KDM5A: variants seen among roughly 807,000 people sequenced by gnomAD.
KDM5A encodes the protein lysine demethylase 5A.
In KDM5A, 42 loss-of-function variants were observed where a neutral mutation model predicts 193.5. That is an observed-to-expected ratio of 0.22 (90% CI 0.17 to 0.28). The LOEUF is 0.28. Among genes scored for constraint, KDM5A ranks in the 10% least tolerant of loss-of-function variants. The pLI is 1.00. For synonymous variants in KDM5A, 796 were observed against 718.1 expected (o/e 1.11, Z -1.73); for missense variants, 1,692 against 2,055.1 (o/e 0.82, Z 3.42).
At chr12:384,822 G>A (rs1944620027) in intron 2 of KDM5A, among the ~76,000 whole-genome samples, 1 of 152,156 alleles carries the variant, frequency 6.6e-6, no homozygotes. Flanking sequence ...CACACTTTAG[G>A]TGCATCAACT....
At chr12:304,561 A>G (rs1320699349) in intron 24 of KDM5A, among the ~76,000 whole-genome samples, 3 of 151,646 alleles carry the variant, frequency 2.0e-5, no homozygotes, top group African/African-American at 4.9e-5. Flanking sequence ...TTGAATTACC[A>G]TAAGTCTTGC....
intron 5 of KDM5A, among the ~76,000 whole-genome samples, chr12:359,399 T>C (rs1260703424): frequency 6.6e-6 from 1 of 152,170 alleles, no homozygotes; most frequent in Non-Finnish European, 1.5e-5. Context: ...TGTTTAAAGA[T>C]TGGACATGGC....
intron 13 of KDM5A, among the ~76,000 whole-genome samples, chr12:330,258 G>A (rs1051830432): frequency 6.6e-6 from 1 of 151,908 alleles, no homozygotes; most frequent in African/African-American, 2.4e-5. Context: ...AATATGTGAG[G>A]AAGCCACATA....
chr12:386,824 T>C (rs1282323690), intron 1 of KDM5A, among the ~76,000 whole-genome samples: 1 of 152,104 alleles, frequency 6.6e-6, no homozygotes, highest in African/African-American at 2.4e-5. Context: ...CCCACAATTA[T>C]GCTTTCCCAA....
intron 13 of KDM5A, among the ~76,000 whole-genome samples, chr12:331,568 T>TG (rs1943866922): frequency 6.6e-6 from 1 of 151,908 alleles, no homozygotes; most frequent in Non-Finnish European, 1.5e-5. Context: ...AGGAATAGAA[T>TG]GGAAGTGAAG....
intron 3 of KDM5A, among the ~76,000 whole-genome samples, chr12:377,561 G>A (rs1450859659): frequency 2.6e-5 from 4 of 152,012 alleles, no homozygotes; most frequent in African/African-American, 9.7e-5. Flanking sequence ...ATGGAGTAAA[G>A]CTTTCAAAAT....
chr12:310,638 A>G (rs1244193899), intron 21 of KDM5A, among the ~76,000 whole-genome samples: 1 of 152,072 alleles, frequency 6.6e-6, no homozygotes, highest in Middle Eastern at 3.2e-3. Flanking sequence ...TGTCTCAAAA[A>G]AACAGAACAA....
intron 12 of KDM5A, among the ~76,000 whole-genome samples, chr12:332,731 T>C (rs1264843695): frequency 6.6e-6 from 1 of 152,222 alleles, no homozygotes; most frequent in Non-Finnish European, 1.5e-5. Context: ...AGCATCCTTA[T>C]TAGTTGTTAG....
chr12:352,651 T>G (rs969539664), intron 8 of KDM5A, among the ~76,000 whole-genome samples: 1 of 152,170 alleles, frequency 6.6e-6, no homozygotes, highest in Non-Finnish European at 1.5e-5. Flanking sequence ...ATTCTTGGCA[T>G]ACCCAGTGGT....
intron 1 of KDM5A, chr12:388,626 T>G: frequency 1.5e-5 from 7 of 475,136 alleles, no homozygotes; most frequent in South Asian, 1.5e-4. Flanking sequence ...CGTCACGTCA[T>G]AATACTGTAC....
At chr12:356,049 G>C (rs1013056832) in intron 6 of KDM5A, among the ~76,000 whole-genome samples, 4 of 152,054 alleles carry the variant, frequency 2.6e-5, no homozygotes, top group Non-Finnish European at 5.9e-5. Flanking sequence ...TTAAAATTAT[G>C]GTTAGAATTT....
intron 18 of KDM5A, 144 bp from the exon 19 acceptor site, chr12:318,605 T>A: frequency 1.6e-6 from 1 of 638,880 alleles, no homozygotes; most frequent in Non-Finnish European, 2.7e-6. Context: ...GATATGACAG[T>A]TAAATTAATA....
Position 323,208 on chromosome 12 carries a change from TACAAAAAAAAA to T in KDM5A, c.2151-13_2151-3del, listed in dbSNP as rs1943741418. 9.5e-6 allele frequency: 1 copy of T among 105,070 alleles called. No individual in the cohort carries two copies. The highest frequency in any genetic ancestry group is 1.8e-5 in the Non-Finnish European group (1 of 55,730). 6.5% of individuals were successfully genotyped at this position (105,070 alleles called of 1,614,324 possible). ...AGGTCTTCTAATGGGTAGCGATATCTACAAAAAAAAAAAAAAAAAAAAAAAAAAAAAGAAAA... is the reference window on the plus strand; with the variant it reads ...AGGTCTTCTAATGGGTAGCGATATCTAAAAAAAAAAAAAAAAAAAAGAAAA... On this transcript the variant is annotated splice_region_variant and splice_polypyrimidine_tract_variant and intron_variant, in intron 15 of 27. Coordinates refer to ENST00000399788, the MANE Select transcript of KDM5A (RefSeq NM_001042603.3).
In KDM5A at chr12:307,518, C is replaced by T. The variant is rs372350658; in HGVS notation, c.3866G>A (p.Arg1289Gln). 4.4e-5 allele frequency: 71 copies of T among 1,613,748 alleles called. No homozygotes were observed. The highest frequency in any genetic ancestry group is 5.8e-5 in the Non-Finnish European group (69 of 1,180,026). ...ACTGATGATCTTTTCAGTTTTTTCTCGAGCCGCCTGTTCCACCATACGCTG... is the reference window on the plus strand; with the variant it reads ...ACTGATGATCTTTTCAGTTTTTTCTTGAGCCGCCTGTTCCACCATACGCTG... ...LSQRMVEQAA[R>Q]EKTEKIISAE... The change falls in exon 23 of 28, where the codon CGA becomes CAA. Residue 1289 changes from arginine (R) to glutamine (Q), a missense_variant. Arg to Gln is a conservative substitution (Grantham distance 43). Coordinates refer to ENST00000399788, the MANE Select transcript of KDM5A (RefSeq NM_001042603.3). The surrounding 1 kb of genome is among the most constrained non-coding windows in gnomAD (Gnocchi z 4.3).
At position 349,310 on chromosome 12, in the gene KDM5A, G is replaced by A. The variant is rs750762646; in HGVS notation, c.1308+1311C>T. On this transcript the variant is annotated intron_variant, in intron 10 of 27. Transcript: ENST00000399788. ...GCTGGGATTACAGGTGTGAGCCCCC[G>A]CGCCCAGCCATCTTCTAGACTTTTT... Among the ~76,000 whole-genome samples, 44 of 143,070 alleles carry A rather than the reference G, an allele frequency of 3.1e-4. No homozygotes were observed. The Middle Eastern group carries it at 0.014, about 45-fold the overall frequency. 93.9% of individuals were successfully genotyped at this position (143,070 alleles called of 152,430 possible).
chr12:350,520 T>A (rs1461644292), intron 10 of KDM5A, 101 bp downstream of exon 10: 1 of 1,126,674 alleles, frequency 8.9e-7, no homozygotes, highest in Non-Finnish European at 1.3e-6. Context: ...TGCCAAATCC[T>A]ACGTATTTAA....
chr12:359,485 C>A (rs1169831311), intron 5 of KDM5A, among the ~76,000 whole-genome samples: 2 of 152,080 alleles, frequency 1.3e-5, no homozygotes, highest in African/African-American at 4.8e-5. Context: ...GGCACAGTGG[C>A]TCATGCCTGT....
At chr12:331,699 C>T (rs1943868614) in intron 13 of KDM5A, 120 bp downstream of exon 13, 1 of 1,012,662 alleles carries the variant, frequency 9.9e-7, no homozygotes, top group South Asian at 1.3e-5. Context: ...CCACTCCAGT[C>T]TCCACTAAAA....
At chr12:369,857 T>G (rs757630004) in intron 3 of KDM5A, among the ~76,000 whole-genome samples, 1 of 152,240 alleles carries the variant, frequency 6.6e-6, no homozygotes, top group South Asian at 2.1e-4. Flanking sequence ...CATTTCAAGC[T>G]AAATTTCCAT....
Sources: allele counts gnomAD v4.1 joint callset (sites outside exome capture counted in the v4.1 genomes callset), GRCh38; gene constraint gnomAD v4.1.1; non-coding constraint Gnocchi (gnomAD v3.1); transcripts MANE v1.5; gene names NCBI Gene and HGNC (gene_info 2026-07-23, HGNC 2026-07-21).